WASF3: variants seen among roughly 807,000 people sequenced by gnomAD.
The protein encoded by WASF3 is WASP family member 3.
WASF3 carries 11 observed loss-of-function variants against 46.6 expected under a neutral mutation model. The ratio of observed to expected loss-of-function variants is 0.24; its 90% CI spans 0.15 to 0.39. The LOEUF is 0.39. Ranked by LOEUF, WASF3 falls within the 10% of genes least tolerant of loss-of-function variation. The pLI is 1.00. For synonymous variants in WASF3, 242 were observed against 259.7 expected (o/e 0.93, Z 0.65); for missense variants, 576 against 669.8 (o/e 0.86, Z 1.55).
At chr13:26,619,714 T>C (rs969532583) in intron 2 of WASF3, among the ~76,000 whole-genome samples, 1 of 152,162 alleles carries the variant, frequency 6.6e-6, no homozygotes, top group African/African-American at 2.4e-5. Flanking sequence ...TAATAAAATC[T>C]GATATAAAAG....
At chr13:26,616,450 T>C (rs1881136168) in intron 2 of WASF3, among the ~76,000 whole-genome samples, 1 of 152,210 alleles carries the variant, frequency 6.6e-6, no homozygotes, top group African/African-American at 2.4e-5. Context: ...TTTTAAGAAA[T>C]TGGGTACTTT....
chr13:26,601,049 C>G (rs1268459032), intron 1 of WASF3, among the ~76,000 whole-genome samples: 2 of 152,142 alleles, frequency 1.3e-5, no homozygotes, highest in African/African-American at 4.8e-5. Flanking sequence ...AGTGTATTTT[C>G]AGCACTTTTA....
chr13:26,563,144 C>G (rs2137140704), intron 1 of WASF3, among the ~76,000 whole-genome samples: 1 of 151,768 alleles, frequency 6.6e-6, no homozygotes, highest in South Asian at 2.1e-4. Flanking sequence ...ACAGAATACT[C>G]TCTCCTGTCA....
At chr13:26,540,759 C>T in the WASF3 span, among the ~76,000 whole-genome samples, 3 of 152,186 alleles carry the variant, frequency 2.0e-5, no homozygotes, top group Non-Finnish European at 4.4e-5. Context: ...CCAAACAACT[C>T]CCTCCCCGAC....
chr13:26,541,765 G>A, the WASF3 span, among the ~76,000 whole-genome samples: 40 of 145,710 alleles, frequency 2.7e-4, no homozygotes, highest in African/African-American at 9.4e-4. Flanking sequence ...TTACAGGCAT[G>A]AGCCACTGTG....
chr13:26,583,473 G>A (rs1421634240), intron 1 of WASF3, among the ~76,000 whole-genome samples: 1 of 152,198 alleles, frequency 6.6e-6, no homozygotes, highest in Non-Finnish European at 1.5e-5. Context: ...CATAATTAGA[G>A]TAGGCAGAAG....
At chr13:26,684,570 A>G (rs540969594) in intron 9 of WASF3, among the ~76,000 whole-genome samples, 2 of 152,240 alleles carry the variant, frequency 1.3e-5, no homozygotes, top group Non-Finnish European at 2.9e-5. Context: ...AATTTGAATA[A>G]TATTTGTAGG....
intron 1 of WASF3, among the ~76,000 whole-genome samples, chr13:26,587,124 AG>A (rs1555248569): frequency 2.7e-5 from 4 of 147,418 alleles, no homozygotes; most frequent in Admixed American, 6.7e-5. Flanking sequence ...AAAAAAAAAA[AG>A]GAAGAAGAAT....
chr13:26,621,543 G>C (rs1881306173), intron 2 of WASF3, among the ~76,000 whole-genome samples: 1 of 151,852 alleles, frequency 6.6e-6, no homozygotes, highest in Admixed American at 6.6e-5. Context: ...ACTTGGACTA[G>C]AACCCCAGTT....
chr13:26,640,090 G>A (rs192248499), intron 2 of WASF3, among the ~76,000 whole-genome samples: 1 of 152,020 alleles, frequency 6.6e-6, no homozygotes, highest in East Asian at 1.9e-4. Flanking sequence ...TTTTGAAGAG[G>A]GCCCTCTTGG....
At position 26,642,252 on chromosome 13, in the gene WASF3, A is replaced by T. The variant is rs1882019143; in HGVS notation, c.-10-9A>T. ...ATGAGCTTATAAAGAATGTGTTTTC[A>T]ATTTTCAGATTGTGAACCATGCCTT... On this transcript the variant is annotated splice_polypyrimidine_tract_variant and intron_variant, in intron 2 of 9. Transcript: ENST00000335327. 6.6e-7 allele frequency: 1 copy of T among 1,523,096 alleles called. No individual in the cohort carries two copies. The highest frequency in any genetic ancestry group is 8.8e-7 in the Non-Finnish European group (1 of 1,139,184). 94.3% of individuals were successfully genotyped at this position (1,523,096 alleles called of 1,614,324 possible). A position where few individuals can be genotyped will look rare whatever the true frequency, so the allele number is the denominator to read the frequency against.
intron 3 of WASF3, among the ~76,000 whole-genome samples, chr13:26,661,132 C>T (rs1056120576): frequency 6.6e-6 from 1 of 152,242 alleles, no homozygotes; most frequent in Non-Finnish European, 1.5e-5. Context: ...TTGGGGATCA[C>T]ATTTCAACAT....
intron 2 of WASF3, among the ~76,000 whole-genome samples, chr13:26,617,724 A>G (rs560780626): frequency 4.6e-5 from 7 of 152,206 alleles, no homozygotes; most frequent in South Asian, 2.1e-4. Flanking sequence ...GGCACATTCT[A>G]TAAGTGGTTT....
chr13:26,611,481 T>C lies in WASF3; in HGVS notation c.-108-1480T>C, dbSNP rs183509549. 5.3e-5 allele frequency among the ~76,000 whole-genome samples: 8 copies of C among 152,304 alleles called. No homozygotes were observed. In the South Asian group the frequency reaches 1.0e-3, roughly 20 times the overall value. On this transcript the variant is annotated intron_variant, in intron 1 of 9. Coordinates refer to ENST00000335327, the MANE Select transcript of WASF3 (RefSeq NM_006646.6). ...TAAACATAAATGGTCATCCAGAAAA[T>C]ACATAGGATGTTGGACATTTTCCTT...
chr13:26,573,361 G>T (rs918087818), intron 1 of WASF3, among the ~76,000 whole-genome samples: 4 of 151,430 alleles, frequency 2.6e-5, no homozygotes, highest in East Asian at 1.9e-4. Context: ...CTTTATTTCA[G>T]TTTTTTTTGA....
intron 1 of WASF3, among the ~76,000 whole-genome samples, chr13:26,607,417 C>T (rs1442035506): frequency 6.6e-6 from 1 of 151,880 alleles, no homozygotes; most frequent in Non-Finnish European, 1.5e-5. Context: ...AGGAGCTTGG[C>T]TTTATAGGCA....
At chr13:26,627,080 G>A (rs1217936271) in intron 2 of WASF3, among the ~76,000 whole-genome samples, 3 of 152,124 alleles carry the variant, frequency 2.0e-5, no homozygotes, top group Non-Finnish European at 2.9e-5. Context: ...GCTTTAATTG[G>A]AAGAGTACCA....
chr13:26,580,447 C>T (rs145389185), intron 1 of WASF3, among the ~76,000 whole-genome samples: 9 of 152,200 alleles, frequency 5.9e-5, no homozygotes, highest in Admixed American at 4.6e-4. Flanking sequence ...GTCTAAAACT[C>T]GACAAGCATT....
At chr13:26,561,477 T>C (rs895631083) in intron 1 of WASF3, among the ~76,000 whole-genome samples, 6 of 152,096 alleles carry the variant, frequency 3.9e-5, no homozygotes, top group Middle Eastern at 3.4e-3. Flanking sequence ...CTTGGCTGGG[T>C]TAAGTTTCAG....
Sources: gnomAD v4.1 joint callset for allele counts (sites outside exome capture counted in the v4.1 genomes callset) on GRCh38, gnomAD v4.1.1 for gene constraint, MANE v1.5 for transcripts, NCBI Gene and HGNC (gene_info 2026-07-23, HGNC 2026-07-21) for gene names.